Variants in AKAP6 observed in about 807,000 individuals in gnomAD.
AKAP6 encodes A-kinase anchor protein 6.
AKAP6 carries 58 observed loss-of-function variants against 188.5 expected under a neutral mutation model. The ratio of observed to expected loss-of-function variants is 0.31; its 90% CI spans 0.25 to 0.38. The LOEUF is 0.38. AKAP6 is among the 10% of genes least tolerant of loss of function. AKAP6 has a pLI of 1.00. For missense variants in AKAP6, 2,710 were observed against 2,740.0 expected, an observed-to-expected ratio of 0.99 and a Z score of 0.24; for synonymous variants, 989 against 998.6, an observed-to-expected ratio of 0.99 and a Z score of 0.18.
At chr14:32,443,403 A>AAAC (rs147680592) in intron 2 of AKAP6, among the ~76,000 whole-genome samples, 8 of 71,436 alleles carry the variant, frequency 1.1e-4, no homozygotes, top group African/African-American at 9.7e-4. Context: ...AAAACAAAAC[A>AAAC]AAACAAAAAA....
intron 5 of AKAP6, among the ~76,000 whole-genome samples, chr14:32,588,684 C>CT (rs1885354404): frequency 6.6e-6 from 1 of 152,148 alleles, no homozygotes; most frequent in Non-Finnish European, 1.5e-5. Flanking sequence ...ACAGACAGTG[C>CT]TTACAGTCTT....
intron 13 of AKAP6, among the ~76,000 whole-genome samples, chr14:32,828,223 C>G (rs2034724559): frequency 6.6e-6 from 1 of 152,150 alleles, no homozygotes; most frequent in Non-Finnish European, 1.5e-5. Context: ...GCAAACATTT[C>G]TCATGCACAC....
At chr14:32,778,754 G>T (rs12895886) in intron 12 of AKAP6, among the ~76,000 whole-genome samples, 1 of 144,214 alleles carries the variant, frequency 6.9e-6, no homozygotes. Context: ...GCTATGTTGC[G>T]CAGGCTAGTC....
chr14:32,392,362 G>T (rs1423806386), intron 1 of AKAP6, among the ~76,000 whole-genome samples: 1 of 152,130 alleles, frequency 6.6e-6, no homozygotes, highest in Non-Finnish European at 1.5e-5. Flanking sequence ...AGGCTGGAAT[G>T]ACCTCTGTGA....
At chr14:32,699,808 T>C (rs992557815) in intron 9 of AKAP6, among the ~76,000 whole-genome samples, 2 of 152,212 alleles carry the variant, frequency 1.3e-5, no homozygotes, top group African/African-American at 4.8e-5. Flanking sequence ...TCACTTTCTT[T>C]CTCGTCATTC....
At chr14:32,635,625 A>C (rs554970484) in intron 7 of AKAP6, among the ~76,000 whole-genome samples, 7 of 152,248 alleles carry the variant, frequency 4.6e-5, no homozygotes, top group African/African-American at 1.4e-4. Flanking sequence ...CTGAAATAAC[A>C]CTGGTAAAAA....
In AKAP6 at chr14:32,481,519, C is replaced by T. The variant is rs193181449; in HGVS notation, c.324+47702C>T. Among the ~76,000 whole-genome samples, 21 of 152,274 alleles carry T rather than the reference C, an allele frequency of 1.4e-4. 1 individual carries two copies. Among genetic ancestry groups the T allele is most frequent in the Admixed American group, 1.2e-3 (18 of 15,296 alleles). On this transcript the variant is annotated intron_variant, in intron 2 of 13. Coordinates refer to ENST00000280979, the MANE Select transcript of AKAP6 (RefSeq NM_004274.5). Reference sequence around the variant, plus strand: ...AGAAGGCAAAGGAGAAGCAAAGGCACACCTTACTTGGTGGCAGGCAGGAAA... The same window carrying T: ...AGAAGGCAAAGGAGAAGCAAAGGCATACCTTACTTGGTGGCAGGCAGGAAA...
intron 7 of AKAP6, among the ~76,000 whole-genome samples, chr14:32,607,141 C>A (rs767867580): frequency 6.6e-6 from 1 of 152,108 alleles, no homozygotes; most frequent in African/African-American, 2.4e-5. Context: ...TGGGTAAGAG[C>A]GCAACTGGCT....
chr14:32,603,652 C>T (rs1395789034), intron 7 of AKAP6, among the ~76,000 whole-genome samples: 1 of 152,182 alleles, frequency 6.6e-6, no homozygotes, highest in Non-Finnish European at 1.5e-5. Context: ...ACATGATCCT[C>T]ACCCAACGTG....
At chr14:32,610,463 C>T (rs770033794) in intron 7 of AKAP6, among the ~76,000 whole-genome samples, 1 of 152,160 alleles carries the variant, frequency 6.6e-6, no homozygotes, top group Non-Finnish European at 1.5e-5. Context: ...GTAACTACAA[C>T]ATGATGATGT....
At chr14:32,665,974 A>G (rs1045433402) in intron 7 of AKAP6, among the ~76,000 whole-genome samples, 1 of 152,122 alleles carries the variant, frequency 6.6e-6, no homozygotes, top group African/African-American at 2.4e-5. Flanking sequence ...TGACTTTGAG[A>G]ATTACTAGAA....
At chr14:32,775,586 G>C (rs541503858) in intron 12 of AKAP6, among the ~76,000 whole-genome samples, 4 of 151,952 alleles carry the variant, frequency 2.6e-5, no homozygotes, top group Non-Finnish European at 5.9e-5. Flanking sequence ...GCATGTGTCA[G>C]CATGTCTGCC....
At chr14:32,530,031 G>A (rs1261139572) in intron 2 of AKAP6, among the ~76,000 whole-genome samples, 1 of 136,342 alleles carries the variant, frequency 7.3e-6, no homozygotes, top group Non-Finnish European at 1.5e-5. Context: ...TTTGGAGACA[G>A]GTTCTTGCTT....
Position 32,451,162 on chromosome 14 carries a change from A to C in AKAP6, c.324+17345A>C, listed in dbSNP as rs1158152249. Among the ~76,000 whole-genome samples the C allele has an allele frequency of 2.0e-5, 3 of 152,332 alleles. No homozygotes were observed. The East Asian group carries it at 5.8e-4, about 29-fold the overall frequency. ...TAGCTAGTTTGCATGATTCATCAAGACTAAATTTTATACTGGCTGGTATAC... is the reference window on the plus strand; with the variant it reads ...TAGCTAGTTTGCATGATTCATCAAGCCTAAATTTTATACTGGCTGGTATAC... On this transcript the variant is annotated intron_variant, in intron 2 of 13. Coordinates refer to ENST00000280979, the MANE Select transcript of AKAP6 (RefSeq NM_004274.5).
At chr14:32,503,125 T>C (rs367917781) in intron 2 of AKAP6, among the ~76,000 whole-genome samples, 3 of 152,280 alleles carry the variant, frequency 2.0e-5, no homozygotes, top group South Asian at 2.1e-4. Flanking sequence ...TTTTTTGCTC[T>C]GTGTCTGAAA....
intron 9 of AKAP6, among the ~76,000 whole-genome samples, chr14:32,706,112 C>T (rs1890801974): frequency 1.3e-5 from 2 of 152,128 alleles, no homozygotes; most frequent in Non-Finnish European, 1.5e-5. Flanking sequence ...GGGATTTGAA[C>T]CCAATCTGGG....
chr14:32,809,822 T>C (rs2034178823), intron 12 of AKAP6, among the ~76,000 whole-genome samples: 1 of 152,198 alleles, frequency 6.6e-6, no homozygotes, highest in Non-Finnish European at 1.5e-5. Flanking sequence ...TGCTCAGTAA[T>C]CGCAGCCATG....
intron 2 of AKAP6, among the ~76,000 whole-genome samples, chr14:32,435,747 G>A (rs996206660): frequency 6.6e-6 from 1 of 152,076 alleles, no homozygotes; most frequent in Admixed American, 6.6e-5. Flanking sequence ...ATGACTTTTC[G>A]GGGTACTAGT....
At chr14:32,712,946 G>A (rs1231055577) in intron 9 of AKAP6, among the ~76,000 whole-genome samples, 1 of 151,526 alleles carries the variant, frequency 6.6e-6, no homozygotes, top group African/African-American at 2.4e-5. Flanking sequence ...AATGGACTTT[G>A]TCCAGATCCA....
Sources: allele counts gnomAD v4.1 joint callset (sites outside exome capture counted in the v4.1 genomes callset), GRCh38; gene constraint gnomAD v4.1.1; transcripts MANE v1.5; gene names NCBI Gene and HGNC (gene_info 2026-07-23, HGNC 2026-07-21).